Variants in NXPH1 observed in about 807,000 individuals in gnomAD.
NXPH1 encodes the protein neurexophilin-1.
In NXPH1, 5 loss-of-function variants were observed where a neutral mutation model predicts 23.7. The ratio of observed to expected loss-of-function variants is 0.21; its 90% confidence interval spans 0.11 to 0.44. The LOEUF is 0.44. NXPH1 is among the 20% of genes least tolerant of loss of function. The pLI, the probability that NXPH1 is intolerant of heterozygous loss-of-function variation, is 0.99. For missense variants in NXPH1, 324 were observed against 321.6 expected (o/e 1.01, Z -0.06); for synonymous variants, 144 against 122.2 (o/e 1.18, Z -1.18).
At chr7:8,532,110 T>C (rs926065034) in intron 2 of NXPH1, among the ~76,000 whole-genome samples, 3 of 152,116 alleles carry the variant, frequency 2.0e-5, no homozygotes, top group Non-Finnish European at 4.4e-5. Flanking sequence ...CTCTAGCAAA[T>C]GAACTTTACA....
chr7:8,496,079 A>G (rs1817333426), intron 2 of NXPH1, among the ~76,000 whole-genome samples: 1 of 152,042 alleles, frequency 6.6e-6, no homozygotes, highest in African/African-American at 2.4e-5. Flanking sequence ...AAGTTATATC[A>G]AATGAGTGGC....
chr7:8,638,219 A>G (rs1820250021), intron 2 of NXPH1, among the ~76,000 whole-genome samples: 1 of 152,208 alleles, frequency 6.6e-6, no homozygotes, highest in Admixed American at 6.5e-5. Context: ...TCTACAATGG[A>G]CTAATAAAAG....
At chr7:8,529,454 T>C (rs1032045425) in intron 2 of NXPH1, among the ~76,000 whole-genome samples, 3 of 152,100 alleles carry the variant, frequency 2.0e-5, no homozygotes, top group Non-Finnish European at 2.9e-5. Context: ...ACAGTAGAGA[T>C]AAGGAGACTT....
At chr7:8,582,168 G>GA (rs772241336) in intron 2 of NXPH1, among the ~76,000 whole-genome samples, 37 of 152,310 alleles carry the variant, frequency 2.4e-4, no homozygotes, top group Non-Finnish European at 4.6e-4. Context: ...TGGATGAGGG[G>GA]AACCCAGTGG....
intron 2 of NXPH1, among the ~76,000 whole-genome samples, chr7:8,747,767 GCACACA>G (rs113706004): frequency 6.6e-6 from 1 of 150,466 alleles, no homozygotes; most frequent in Non-Finnish European, 1.5e-5. Flanking sequence ...TTTTATTCAC[GCACACA>G]CACACACACA....
At chr7:8,505,033 A>T (rs1817498727) in intron 2 of NXPH1, among the ~76,000 whole-genome samples, 2 of 152,096 alleles carry the variant, frequency 1.3e-5, no homozygotes, top group South Asian at 4.1e-4. Context: ...TGCAAGAGTA[A>T]GGGACATTCA....
chr7:8,497,764 C>A (rs570386017), intron 2 of NXPH1, among the ~76,000 whole-genome samples: 1 of 152,176 alleles, frequency 6.6e-6, no homozygotes, highest in East Asian at 1.9e-4. Flanking sequence ...TGGATATTAG[C>A]CCTTTGTCAG....
chr7:8,611,370 A>G lies in NXPH1; in HGVS notation c.55-139638A>G, dbSNP rs570186649. Among the ~76,000 whole-genome samples the G allele has an allele frequency of 5.3e-5, 8 of 152,236 alleles. No homozygotes were observed. The South Asian group carries it at 1.7e-3, about 32-fold the overall frequency. ...GTATTTTGAGAAAATGTCTTTGAAA[A>G]TACTTGCGTTACATGGTCAAGACCA... On this transcript the variant is annotated intron_variant, in intron 2 of 2. Coordinates refer to ENST00000405863, the MANE Select transcript of NXPH1 (RefSeq NM_152745.3).
chr7:8,704,750 T>TA (rs35297418), intron 2 of NXPH1, among the ~76,000 whole-genome samples: 14,075 of 145,776 alleles, frequency 0.097, 1,351 homozygotes, highest in African/African-American at 0.24. Context: ...ACTTAATCTG[T>TA]AAAAAAAAAA....
chr7:8,511,921 AG>A (rs2128614102), intron 2 of NXPH1, among the ~76,000 whole-genome samples: 2 of 152,172 alleles, frequency 1.3e-5, no homozygotes, highest in East Asian at 3.9e-4. Context: ...AGCCACCGGG[AG>A]GTTCTGACAA....
At chr7:8,571,139 A>G (rs1480039389) in intron 2 of NXPH1, among the ~76,000 whole-genome samples, 10 of 152,052 alleles carry the variant, frequency 6.6e-5, no homozygotes, top group Middle Eastern at 3.4e-3. Flanking sequence ...CACCTCACCC[A>G]GAATCTTTAA....
At chr7:8,735,548 A>T (rs962992049) in intron 2 of NXPH1, among the ~76,000 whole-genome samples, 1 of 152,146 alleles carries the variant, frequency 6.6e-6, no homozygotes, top group Admixed American at 6.5e-5. Context: ...CCAGTATTTT[A>T]TTGAGGATTT....
intron 2 of NXPH1, among the ~76,000 whole-genome samples, chr7:8,582,386 G>A (rs1424739589): frequency 6.6e-6 from 1 of 152,162 alleles, no homozygotes; most frequent in Non-Finnish European, 1.5e-5. Flanking sequence ...GGAAGAATGA[G>A]GTATGTGCAC....
intron 2 of NXPH1, among the ~76,000 whole-genome samples, chr7:8,523,419 G>A (rs1024955473): frequency 6.6e-6 from 1 of 152,128 alleles, no homozygotes. Context: ...AAAAATAACT[G>A]AAGGATTTGA....
intron 2 of NXPH1, among the ~76,000 whole-genome samples, chr7:8,670,650 A>G (rs1820854278): frequency 6.6e-6 from 1 of 152,216 alleles, no homozygotes; most frequent in Admixed American, 6.5e-5. Flanking sequence ...AGGCTGCCCA[A>G]TATCGTCATT....
intron 2 of NXPH1, among the ~76,000 whole-genome samples, chr7:8,682,674 T>A (rs1821075036): frequency 1.3e-5 from 2 of 152,168 alleles, no homozygotes; most frequent in Admixed American, 1.3e-4. Context: ...TGGAAATGAG[T>A]ACCCACCAAC....
chr7:8,645,367 G>C (rs1431326200), intron 2 of NXPH1, among the ~76,000 whole-genome samples: 1 of 152,036 alleles, frequency 6.6e-6, no homozygotes, highest in Non-Finnish European at 1.5e-5. Flanking sequence ...TTATATGGAA[G>C]GTTGTATTTC....
intron 2 of NXPH1, among the ~76,000 whole-genome samples, chr7:8,632,979 T>C (rs185844105): frequency 6.6e-6 from 1 of 152,334 alleles, no homozygotes; most frequent in Non-Finnish European, 1.5e-5. Context: ...GGATGATTCT[T>C]TTTCAAATTG....
intron 2 of NXPH1, among the ~76,000 whole-genome samples, chr7:8,601,078 C>A (rs1412025210): frequency 6.6e-6 from 1 of 152,076 alleles, no homozygotes; most frequent in Non-Finnish European, 1.5e-5. Context: ...CATTTTATAT[C>A]AGGAACTTGA....
Sources: allele counts gnomAD v4.1 joint callset (sites outside exome capture counted in the v4.1 genomes callset), GRCh38; gene constraint gnomAD v4.1.1; transcripts MANE v1.5; gene names NCBI Gene and HGNC (gene_info 2026-07-23, HGNC 2026-07-21).